The following CRYBG1 variants were observed in gnomAD, a reference collection of about 807,000 sequenced individuals.
The protein encoded by CRYBG1 is beta/gamma crystallin domain-containing protein 1.
In CRYBG1, 139 loss-of-function variants were observed where a neutral mutation model predicts 189.2. The observed-to-expected ratio is 0.73, with a 90% CI of 0.64 to 0.85. The LOEUF (loss-of-function observed/expected upper bound fraction) is 0.85, where lower values mean the gene tolerates loss of function less well. CRYBG1 is among the 40% of genes least tolerant of loss of function. The pLI is 0.00. For missense variants in CRYBG1, 2,611 were observed against 2,675.8 expected (o/e 0.98, Z 0.53); for synonymous variants, 1,023 against 1,017.1 (o/e 1.01, Z -0.11).
chr6:106,494,923 G>T (rs2114499169), intron 2 of CRYBG1, among the ~76,000 whole-genome samples: 1 of 152,220 alleles, frequency 6.6e-6, no homozygotes, highest in South Asian at 2.1e-4. Flanking sequence ...AATTGACCTT[G>T]TTCACCAGAG....
intron 8 of CRYBG1, among the ~76,000 whole-genome samples, chr6:106,532,108 T>C (rs1773886822): frequency 6.6e-6 from 1 of 152,182 alleles, no homozygotes; most frequent in Non-Finnish European, 1.5e-5. Context: ...TGCATAATGA[T>C]CAAATCAGGG....
At chr6:106,391,569 CT>C (rs34830012) in intron 1 of CRYBG1, among the ~76,000 whole-genome samples, 31 of 149,356 alleles carry the variant, frequency 2.1e-4, no homozygotes, top group East Asian at 9.8e-4. Flanking sequence ...GACCATCAGT[CT>C]TTTTTTTTTA....
rs145990479 is a variant in CRYBG1 at position 106,553,096 on chromosome 6, T to C, written c.5473-359T>C. On this transcript the variant is annotated intron_variant, in intron 15 of 21. Coordinates refer to ENST00000633556, the MANE Select transcript of CRYBG1 (RefSeq NM_001371242.2). ...CCATTGAGAAGGAAGGAAACTACAC[T>C]ATGTCTTTCCAAAATACTGTTTGTC... is the stretch of plus-strand genomic sequence containing the variant. Among the ~76,000 whole-genome samples, 170 of 152,338 alleles carry C rather than the reference T, an allele frequency of 1.1e-3. 2 individuals carry two copies. In the East Asian group the frequency reaches 0.029, roughly 26 times the overall value.
At chr6:106,533,364 C>T (rs1773917672) in intron 8 of CRYBG1, among the ~76,000 whole-genome samples, 1 of 152,240 alleles carries the variant, frequency 6.6e-6, no homozygotes, top group African/African-American at 2.4e-5. Flanking sequence ...GCTCAGGTCA[C>T]ATCTGGCCTT....
At chr6:106,383,954 G>GA (rs1770335229) in intron 1 of CRYBG1, among the ~76,000 whole-genome samples, 1 of 152,070 alleles carries the variant, frequency 6.6e-6, no homozygotes, top group South Asian at 2.1e-4. Flanking sequence ...TGCACAGAGA[G>GA]AAAAAAAGAA....
intron 2 of CRYBG1, among the ~76,000 whole-genome samples, chr6:106,480,449 C>A (rs1377678625): frequency 1.3e-5 from 2 of 149,852 alleles, no homozygotes; most frequent in African/African-American, 4.9e-5. Flanking sequence ...CAGATCACGA[C>A]GTCAGGAGAT....
At chr6:106,497,676 C>G (rs749444879) in intron 2 of CRYBG1, among the ~76,000 whole-genome samples, 5 of 152,260 alleles carry the variant, frequency 3.3e-5, no homozygotes, top group Non-Finnish European at 5.9e-5. Flanking sequence ...GTCCCACCAG[C>G]TATGTGTGAC....
At chr6:106,451,868 T>C in intron 2 of CRYBG1, 36 bp downstream of exon 2, 1 of 1,520,614 alleles carries the variant, frequency 6.6e-7, no homozygotes, top group Non-Finnish European at 8.8e-7. Context: ...CTCCCAAGAA[T>C]AAACCCTTTA....
At chr6:106,561,873 A>G (rs1235744087) in intron 20 of CRYBG1, among the ~76,000 whole-genome samples, 2 of 152,246 alleles carry the variant, frequency 1.3e-5, no homozygotes, top group African/African-American at 4.8e-5. Context: ...GGAAATCCAC[A>G]GAACGGGATG....
chr6:106,525,227 A>T, intron 5 of CRYBG1, 41 bp from the exon 6 acceptor site: 3 of 1,613,708 alleles, frequency 1.9e-6, no homozygotes, highest in Non-Finnish European at 2.5e-6. Flanking sequence ...TTGGTCTGAC[A>T]GAGTACAACA....
At chr6:106,394,773 AAAG>A (rs1427636983) in intron 1 of CRYBG1, among the ~76,000 whole-genome samples, 5 of 152,174 alleles carry the variant, frequency 3.3e-5, no homozygotes, top group African/African-American at 1.2e-4. Flanking sequence ...TTAATCTTTC[AAAG>A]AAGAAAAGAA....
chr6:106,519,000 CACACACACCA>C (rs1322214859), intron 3 of CRYBG1, 121 bp from the exon 4 acceptor site: 1 of 937,568 alleles, frequency 1.1e-6, no homozygotes, highest in Non-Finnish European at 1.6e-6. Flanking sequence ...CATACACACA[CACACACACCA>C]CACTCCAAAT....
chr6:106,530,885 G>T (rs942026270), intron 8 of CRYBG1, among the ~76,000 whole-genome samples: 1 of 152,168 alleles, frequency 6.6e-6, no homozygotes, highest in African/African-American at 2.4e-5. Context: ...AAGCCCCAAG[G>T]CATGTGAAAG....
intron 1 of CRYBG1, among the ~76,000 whole-genome samples, chr6:106,403,512 A>G (rs1228586727): frequency 6.6e-6 from 1 of 152,214 alleles, no homozygotes; most frequent in African/African-American, 2.4e-5. Context: ...TAAGCAAGGG[A>G]ATGGCAATTG....
At chr6:106,391,896 T>G (rs1477172250) in intron 1 of CRYBG1, among the ~76,000 whole-genome samples, 2 of 151,324 alleles carry the variant, frequency 1.3e-5, no homozygotes, top group African/African-American at 4.9e-5. Flanking sequence ...ATCACAAAAG[T>G]GGAGTCGTTT....
chr6:106,448,828 C>T (rs1183833520), intron 1 of CRYBG1, among the ~76,000 whole-genome samples: 5 of 152,144 alleles, frequency 3.3e-5, no homozygotes, highest in East Asian at 1.9e-4. Context: ...GGGTTGGGTC[C>T]AGTGATCGGT....
At chr6:106,537,335 G>C (rs1053127967) in intron 8 of CRYBG1, among the ~76,000 whole-genome samples, 15 of 152,176 alleles carry the variant, frequency 9.9e-5, no homozygotes, top group African/African-American at 3.6e-4. Flanking sequence ...AGTCAGACTT[G>C]GGACCTGCTT....
intron 2 of CRYBG1, among the ~76,000 whole-genome samples, chr6:106,508,443 A>C (rs553042267): frequency 1.3e-5 from 2 of 152,284 alleles, no homozygotes; most frequent in South Asian, 2.1e-4. Context: ...TTTAACCCTC[A>C]ACGTTCCTTT....
At chr6:106,494,649 A>G (rs1488752356) in intron 2 of CRYBG1, among the ~76,000 whole-genome samples, 2 of 152,232 alleles carry the variant, frequency 1.3e-5, no homozygotes, top group Non-Finnish European at 2.9e-5. Flanking sequence ...ACATATAGCA[A>G]GTAGAAACTA....
Sources: allele counts gnomAD v4.1 joint callset (sites outside exome capture counted in the v4.1 genomes callset), GRCh38; gene constraint gnomAD v4.1.1; transcripts MANE v1.5; gene names NCBI Gene and HGNC (gene_info 2026-07-23, HGNC 2026-07-21).